The following ANKRD30B variants were observed in gnomAD, a reference collection of about 807,000 sequenced individuals.
ANKRD30B encodes ankyrin repeat domain-containing protein 30B.
Under a neutral mutation model 202.2 loss-of-function variants are expected in ANKRD30B, and 144 were observed. The ratio of observed to expected loss-of-function variants is 0.71; its 90% confidence interval spans 0.62 to 0.82. The LOEUF is 0.82. Ranked by LOEUF, ANKRD30B falls within the 40% of genes least tolerant of loss-of-function variation. The pLI, the probability that ANKRD30B is intolerant of heterozygous loss-of-function variation, is 0.00. For synonymous variants in ANKRD30B, 508 were observed against 561.3 expected, an observed-to-expected ratio of 0.91 and a Z score of 1.34; for missense variants, 1,487 against 1,669.1, an observed-to-expected ratio of 0.89 and a Z score of 1.90.
intron 32 of ANKRD30B, chr18:14,825,167 T>A (rs989056725): frequency 2.4e-4 from 37 of 152,234 alleles, no homozygotes; most frequent in African/African-American, 7.7e-4. Context: ...CCTGTGCAGT[T>A]CTTTTCACCT....
chr18:14,771,239 C>A (rs1198501007), intron 8 of ANKRD30B, among the ~76,000 whole-genome samples: 1 of 152,104 alleles, frequency 6.6e-6, no homozygotes, highest in East Asian at 1.9e-4. Context: ...TGGAGACTGC[C>A]ATGAAGCCCT....
At chr18:14,884,518 G>A in the ANKRD30B span, among the ~76,000 whole-genome samples, 9 of 151,858 alleles carry the variant, frequency 5.9e-5, no homozygotes, top group South Asian at 1.9e-3. Context: ...TTCAATAAGA[G>A]AAGGGTTTTT....
chr18:14,859,191 G>A (rs1174662902), downstream of ANKRD30B, among the ~76,000 whole-genome samples: 6 of 94,000 alleles, frequency 6.4e-5, no homozygotes, highest in East Asian at 5.4e-4. Flanking sequence ...TGGCAGAGGC[G>A]CTCCTCACCT....
chr18:14,766,493 A>AAAAAAAAAGAAAAGAAAAGAAAAGAAAAG, intron 7 of ANKRD30B, among the ~76,000 whole-genome samples: 1 of 85,000 alleles, frequency 1.2e-5, no homozygotes, highest in Non-Finnish European at 2.7e-5. Flanking sequence ...AAAAAAAAAA[A>AAAAAAAAAGAAAAGAAAAGAAAAGAAAAG]AAAAGAAAAG....
intron 24 of ANKRD30B, among the ~76,000 whole-genome samples, chr18:14,804,422 A>G (rs1969371061): frequency 7.3e-6 from 1 of 136,208 alleles, no homozygotes; most frequent in Admixed American, 7.5e-5. Flanking sequence ...AATTTGTCAT[A>G]TACACTCCGT....
At chr18:14,886,330 G>A in the ANKRD30B span, among the ~76,000 whole-genome samples, 106 of 152,026 alleles carry the variant, frequency 7.0e-4, no homozygotes, top group Non-Finnish European at 1.2e-3. Flanking sequence ...GAGGGATGGA[G>A]GCCCCTTACA....
chr18:14,929,075 G>C, the ANKRD30B span, among the ~76,000 whole-genome samples: 8 of 152,212 alleles, frequency 5.3e-5, no homozygotes, highest in Non-Finnish European at 8.8e-5. Flanking sequence ...CCAGAACACA[G>C]AGCTTTCCAA....
At chr18:14,915,142 GA>G in the ANKRD30B span, among the ~76,000 whole-genome samples, 1 of 152,140 alleles carries the variant, frequency 6.6e-6, no homozygotes, top group African/African-American at 2.4e-5. Flanking sequence ...GGTTAGCACT[GA>G]GTAGACATGG....
intron 8 of ANKRD30B, among the ~76,000 whole-genome samples, chr18:14,769,879 G>C (rs888000087): frequency 1.3e-5 from 2 of 152,158 alleles, no homozygotes; most frequent in Non-Finnish European, 2.9e-5. Flanking sequence ...AAAGTGTTTA[G>C]AGCAGATCTT....
At chr18:14,764,636 C>T (rs1461153065) in intron 7 of ANKRD30B, among the ~76,000 whole-genome samples, 2 of 152,120 alleles carry the variant, frequency 1.3e-5, no homozygotes, top group Non-Finnish European at 2.9e-5. Flanking sequence ...GATAGCCCCG[C>T]CTTGGCCTCC....
chr18:14,755,720 A>C (rs531166949), intron 4 of ANKRD30B, among the ~76,000 whole-genome samples: 2 of 152,324 alleles, frequency 1.3e-5, no homozygotes, highest in Admixed American at 1.3e-4. Flanking sequence ...ATGTTCCTAC[A>C]AAGGACATGA....
Position 14,799,298 on chromosome 18 carries a change from A to G in ANKRD30B, c.2131+3A>G. The stretch of plus-strand genomic sequence containing the variant: ...GGACAGAGAAACATTCAAAGCAGGT[A>G]AATTTTGCAATTTTAATTTTACTCT... On this transcript the variant is annotated splice_donor_region_variant and intron_variant, in intron 22 of 43. Transcript: ENST00000690538. The G allele has an allele frequency of 5.3e-6, 8 of 1,521,368 alleles. No individual in the cohort carries two copies. The highest frequency in any genetic ancestry group is 7.0e-6 in the Non-Finnish European group (8 of 1,139,176). 94.2% of individuals were successfully genotyped at this position (1,521,368 alleles called of 1,614,324 possible).
chr18:14,885,500 C>A, the ANKRD30B span, among the ~76,000 whole-genome samples: 1 of 151,980 alleles, frequency 6.6e-6, no homozygotes, highest in African/African-American at 2.4e-5. Context: ...GGTGGGCCCC[C>A]TTTGCATTAT....
chr18:14,890,143 G>A, the ANKRD30B span: 2 of 777,676 alleles, frequency 2.6e-6, no homozygotes, highest in East Asian at 2.5e-5. Context: ...CTTTGCCAAT[G>A]ATCCATGAAT....
the ANKRD30B span, among the ~76,000 whole-genome samples, chr18:14,879,148 C>T: frequency 7.4e-4 from 112 of 152,190 alleles, 1 homozygote; most frequent in Non-Finnish European, 1.3e-3. Flanking sequence ...TGGGACAACT[C>T]GGGGCCACAT....
In ANKRD30B at chr18:14,837,297, CA is replaced by C. The variant is rs1971221482; in HGVS notation, c.2926+10del. ...CTCCACAAGATCAAACAAGTAATGA[CA>C]ATTTTATTTTTTATACCAAAATAAT... On this transcript the variant is annotated intron_variant, in intron 35 of 43. Coordinates refer to ENST00000690538, the MANE Select transcript of ANKRD30B (RefSeq NM_001367607.2). 1.3e-6 allele frequency: 2 copies of C among 1,526,500 alleles called. No homozygotes were observed. Among genetic ancestry groups the C allele is most frequent in the African/African-American group, 2.8e-5 (2 of 72,078 alleles). The allele number at this position is 1,526,500 out of a possible 1,614,324, so 94.6% of individuals were successfully genotyped here.
rs112479779 is a variant in ANKRD30B, at chr18:14,770,045, T to G, written c.1256+672T>G. ...CTTATAGAATTCTCTATTGACTGAC[T>G]TCCAAGTTTAGTTTTTCTTCAAAGC... is the stretch of plus-strand genomic sequence containing the variant. On this transcript the variant is annotated intron_variant, in intron 8 of 43. Coordinates refer to ENST00000690538, the MANE Select transcript of ANKRD30B (RefSeq NM_001367607.2). Among the ~76,000 whole-genome samples the G allele has an allele frequency of 6.8e-4, 104 of 152,320 alleles. 1 individual carries two copies. The highest frequency in any genetic ancestry group is 2.4e-3 in the African/African-American group (100 of 41,578).
chr18:14,885,243 T>A, the ANKRD30B span, among the ~76,000 whole-genome samples: 1 of 152,074 alleles, frequency 6.6e-6, no homozygotes, highest in East Asian at 1.9e-4. Flanking sequence ...CCTTGTGTTA[T>A]TTATGTGTAA....
At chr18:14,849,806 T>C (rs1971807370) in intron 40 of ANKRD30B, among the ~76,000 whole-genome samples, 3 of 151,718 alleles carry the variant, frequency 2.0e-5, no homozygotes, top group Admixed American at 2.0e-4. Context: ...TTATGTCTAA[T>C]AAATCTGTAA....
Sources: gnomAD v4.1 joint callset for allele counts (sites outside exome capture counted in the v4.1 genomes callset) on GRCh38, gnomAD v4.1.1 for gene constraint, MANE v1.5 for transcripts, NCBI Gene and HGNC (gene_info 2026-07-23, HGNC 2026-07-21) for gene names.